The following SRCIN1 variants were observed in gnomAD, a reference collection of about 807,000 sequenced individuals.
The protein encoded by SRCIN1 is SRC kinase signaling inhibitor 1.
In SRCIN1, 50 loss-of-function variants were observed where a neutral mutation model predicts 116.2. That is an observed-to-expected ratio of 0.43 (90% CI 0.34 to 0.54). The LOEUF is 0.54. Among genes scored for constraint, SRCIN1 ranks in the 20% least tolerant of loss-of-function variants. The probability of loss-of-function intolerance (pLI) is 0.02; values close to 1 mark genes in which losing one functional copy is unlikely to be tolerated. For missense variants in SRCIN1, 1,446 were observed against 1,672.0 expected (o/e 0.86, Z 2.36); for synonymous variants, 736 against 750.0 (o/e 0.98, Z 0.30).
chr17:38,561,558 C>G lies in SRCIN1; in HGVS notation c.1605G>C (p.Thr535=). ...AGAGCTCCGAAGGGGGAGCTCCGGC[C>G]GTCGAGGCGCTCCCCGCGCTGCGGG... ...GKTRSAGSAS[T]AGAPPSELFP... The change falls in exon 7 of 19, where the codon ACG becomes ACC. Residue 535 remains threonine, a synonymous_variant. Coordinates refer to ENST00000617146, the MANE Select transcript of SRCIN1 (RefSeq NM_025248.3). 1 of 1,601,030 alleles carries G rather than the reference C, an allele frequency of 6.2e-7. No homozygotes were observed. Among genetic ancestry groups the G allele is most frequent in the Non-Finnish European group, 8.5e-7 (1 of 1,175,978 alleles).
Position 38,572,707 on chromosome 17 carries a change from GT to G in SRCIN1, c.325-4477del, listed in dbSNP as rs1286872335. The stretch of plus-strand genomic sequence containing the variant: ...GTACGTGCGGGGTCCCCAGCCCCAG[GT>G]CCTGCGTCCGGCTGGGGAGGGAGGG... On this transcript the variant is annotated intron_variant, in intron 2 of 18. Transcript: ENST00000617146. The surrounding 1 kb of genome is among the most constrained non-coding windows in gnomAD (Gnocchi z 4.3). The G allele has an allele frequency of 2.6e-5, 4 of 152,320 alleles. No individual in the cohort carries two copies. The highest frequency in any genetic ancestry group is 9.7e-5 in the African/African-American group (4 of 41,382). 9.4% of individuals were successfully genotyped at this position (152,320 alleles called of 1,614,324 possible). A position where few individuals can be genotyped will look rare whatever the true frequency, so the allele number is the denominator to read the frequency against.
At position 38,563,096 on chromosome 17, in the gene SRCIN1, G is replaced by A. The variant is rs554959717; in HGVS notation, c.741-176C>T. Among the ~76,000 whole-genome samples, 522 of 152,272 alleles carry A rather than the reference G, an allele frequency of 3.4e-3. 4 individuals are homozygous for A. The highest frequency in any genetic ancestry group is 6.8e-3 in the Middle Eastern group (2 of 294). On this transcript the variant is annotated intron_variant, in intron 5 of 18. Transcript: ENST00000617146. This position sits in a 1 kb window ranked among gnomAD's most constrained non-coding sequence, Gnocchi z 5.8. ...CCCCGGCCTCTTCCTGGCCTCCGGC[G>A]CCATTTTCAGGTTAGCTCAAAGCAA...
At chr17:38,606,275 T>G (rs1362096612), upstream of SRCIN1, among the ~76,000 whole-genome samples, 2 of 149,488 alleles carry the variant, frequency 1.3e-5, no homozygotes, top group African/African-American at 4.9e-5. This position sits in a 1 kb window ranked among gnomAD's most constrained non-coding sequence, Gnocchi z 5.2. Context: ...CGGGGACACT[T>G]GGAGGGTGGA....
At chr17:38,547,186 C>T (rs1164645164) in intron 17 of SRCIN1, among the ~76,000 whole-genome samples, 2 of 152,240 alleles carry the variant, frequency 1.3e-5, no homozygotes, top group Non-Finnish European at 2.9e-5. Flanking sequence ...AAGAGGGCAT[C>T]GTAGGCCCTT....
At chr17:38,533,569 T>C (rs1397967115) in intron 18 of SRCIN1, 138 bp from the exon 19 acceptor site, 6 of 266,602 alleles carry the variant, frequency 2.3e-5, no homozygotes, top group Non-Finnish European at 1.1e-5. Context: ...CAGAGGGGCA[T>C]CTGGAGAGAG....
intron 18 of SRCIN1, among the ~76,000 whole-genome samples, chr17:38,536,605 G>A (rs1265158830): frequency 6.6e-6 from 1 of 152,112 alleles, no homozygotes; most frequent in African/African-American, 2.4e-5. Context: ...GGAACCTCTC[G>A]ACTCTACAGA....
intron 14 of SRCIN1, 128 bp downstream of exon 14, chr17:38,551,758 T>C: frequency 6.7e-7 from 1 of 1,487,884 alleles, no homozygotes; most frequent in South Asian, 1.2e-5. Flanking sequence ...AGGCTTCCAT[T>C]AGGGCACTGG....
chr17:38,551,830 C>T (rs545333843), intron 14 of SRCIN1, 56 bp downstream of exon 14: 13 of 1,607,920 alleles, frequency 8.1e-6, no homozygotes, highest in East Asian at 2.2e-5. Context: ...GAAGGATGGT[C>T]GTAAGAATGT....
At chr17:38,553,979 A>G (rs1339790223) in intron 11 of SRCIN1, among the ~76,000 whole-genome samples, 9 of 152,292 alleles carry the variant, frequency 5.9e-5, no homozygotes, top group African/African-American at 2.2e-4. Context: ...TGGGAGGCCG[A>G]GGTGGGCTGA....
chr17:38,560,545 A>C, intron 7 of SRCIN1, 120 bp from the exon 8 acceptor site: 2 of 807,834 alleles, frequency 2.5e-6, no homozygotes, highest in Non-Finnish European at 4.0e-6. Context: ...CTGCCAAAAC[A>C]CAGACAACGC....
chr17:38,586,487 G>A (rs1242464521), intron 1 of SRCIN1, among the ~76,000 whole-genome samples: 2 of 152,236 alleles, frequency 1.3e-5, no homozygotes, highest in Non-Finnish European at 2.9e-5. Flanking sequence ...AAGGGAAACT[G>A]AGGCTCAGGG....
intron 7 of SRCIN1, among the ~76,000 whole-genome samples, chr17:38,561,076 C>T (rs1419380804): frequency 2.0e-5 from 3 of 152,212 alleles, no homozygotes; most frequent in African/African-American, 7.2e-5. Flanking sequence ...CAGTGGACTT[C>T]AGCTGTCCCG....
intron 4 of SRCIN1, 58 bp downstream of exon 4, chr17:38,564,060 G>A: frequency 6.5e-7 from 1 of 1,531,612 alleles, no homozygotes; most frequent in Non-Finnish European, 8.8e-7. Flanking sequence ...GCTCCAGGGA[G>A]TGAAGAGCAG....
intron 18 of SRCIN1, chr17:38,542,973 C>T (rs913816483): frequency 2.4e-6 from 1 of 424,496 alleles, no homozygotes; most frequent in Non-Finnish European, 4.8e-6. Context: ...CATACAGGAG[C>T]TGCTCATAAA....
rs1369187583 is a variant in SRCIN1 at position 38,543,965 on chromosome 17, C to T, written c.3275G>A (p.Gly1092Asp). ...CTTCATGGGTGGTACACTGCCTCCG[C>T]CACTCTGCAGGAAGAGGAACAGGGT... ...EDRIIAELESGGGSVPPMKVV... is the reference protein window; with the variant it reads ...EDRIIAELESDGGSVPPMKVV... Residue 1092 changes from glycine (G) to aspartate (D), a missense_variant, in exon 18 of 19, where the codon GGC (glycine) becomes GAC (aspartate). By Grantham distance (94) the Gly-to-Asp change is moderately conservative. This residue lies in a region of SRCIN1 where 531 missense variants were observed against 633.9 expected (regional missense o/e 0.84). Coordinates refer to ENST00000617146, the MANE Select transcript of SRCIN1 (RefSeq NM_025248.3). 6.3e-7 allele frequency: 1 copy of T among 1,582,666 alleles called. No individual in the cohort carries two copies. Among genetic ancestry groups the T allele is most frequent in the Non-Finnish European group, 8.5e-7 (1 of 1,170,296 alleles).
In SRCIN1 at chr17:38,552,771, C is replaced by T; in HGVS notation, c.2286G>A (p.Lys762=). 6.2e-7 allele frequency: 1 copy of T among 1,614,020 alleles called. No homozygotes were observed. The highest frequency in any genetic ancestry group is 8.5e-7 in the Non-Finnish European group (1 of 1,179,892). ...RLVPGPELEE[K]ALVLKQLGET... ...CCCCGAGCTGCTTCAGCACCAGTGCCTTCTCCTCCAGCTCAGGGCCGGGCA... is the reference window on the plus strand; with the variant it reads ...CCCCGAGCTGCTTCAGCACCAGTGCTTTCTCCTCCAGCTCAGGGCCGGGCA... Residue 762 remains lysine (K), a synonymous_variant, in exon 12 of 19, where the codon AAG becomes AAA. Coordinates refer to ENST00000617146, the MANE Select transcript of SRCIN1 (RefSeq NM_025248.3). This position sits in a 1 kb window ranked among gnomAD's most constrained non-coding sequence, Gnocchi z 5.3.
intron 16 of SRCIN1, 129 bp from the exon 17 acceptor site, chr17:38,548,838 G>C: frequency 7.4e-7 from 1 of 1,353,746 alleles, no homozygotes; most frequent in Non-Finnish European, 9.8e-7. Flanking sequence ...CCCTGCCAGG[G>C]TGTCCCTCAA....
At chr17:38,594,256 A>T (rs546753674) in intron 1 of SRCIN1, among the ~76,000 whole-genome samples, 1 of 152,336 alleles carries the variant, frequency 6.6e-6, no homozygotes, top group East Asian at 1.9e-4. Context: ...GCAGCCAAGG[A>T]TGGGGGAGGG....
chr17:38,540,711 G>A (rs1402631720), intron 18 of SRCIN1, among the ~76,000 whole-genome samples: 1 of 152,018 alleles, frequency 6.6e-6, no homozygotes, highest in Non-Finnish European at 1.5e-5. Flanking sequence ...ATCTGCCAGG[G>A]GCCGGGGCAG....
Sources: gnomAD v4.1 joint callset for allele counts (sites outside exome capture counted in the v4.1 genomes callset) on GRCh38, gnomAD v4.1.1 for gene constraint, gnomAD v4.1.1 regional missense constraint, Gnocchi (gnomAD v3.1) non-coding constraint, MANE v1.5 for transcripts, NCBI Gene and HGNC (gene_info 2026-07-23, HGNC 2026-07-21) for gene names.